Variants in SZT2 observed in about 807,000 individuals in gnomAD.
SZT2 encodes the protein KICSTOR complex protein SZT2.
Under a neutral mutation model 404.2 loss-of-function variants are expected in SZT2, and 216 were observed. That is an observed-to-expected ratio of 0.53 (90% CI 0.48 to 0.60). The LOEUF is 0.60. Among genes scored for constraint, SZT2 ranks in the 20% least tolerant of loss-of-function variants. SZT2 has a pLI of 0.00. For missense variants in SZT2, 3,857 were observed against 4,459.2 expected (o/e 0.86, Z 3.85); for synonymous variants, 1,693 against 1,749.9 (o/e 0.97, Z 0.81).
intron 1 of SZT2, among the ~76,000 whole-genome samples, chr1:43,393,727 T>G (rs1175077083): frequency 6.6e-6 from 1 of 152,166 alleles, no homozygotes; most frequent in Non-Finnish European, 1.5e-5. Context: ...AAGCAACAAA[T>G]TAATGAGATG....
In SZT2 at chr1:43,448,817, C is replaced by T. The variant is rs1387823705; in HGVS notation, c.10086+89C>T. The T allele has an allele frequency of 2.4e-5, 31 of 1,279,412 alleles. No individual in the cohort carries two copies. Among genetic ancestry groups the T allele is most frequent in the Middle Eastern group, 2.5e-4 (1 of 3,972 alleles). 79.3% of individuals were successfully genotyped at this position (1,279,412 alleles called of 1,614,324 possible). On this transcript the variant is annotated intron_variant, in intron 70 of 71. Transcript: ENST00000634258. This position sits in a 1 kb window ranked among gnomAD's most constrained non-coding sequence, Gnocchi z 4.2. ...GCCCCTCAGCCTGACCAAACAAGCT[C>T]TGCTCTGGAGGGAGGCCTAGACAGA...
At chr1:43,396,706 A>G (rs1423160656) in intron 1 of SZT2, among the ~76,000 whole-genome samples, 1 of 152,240 alleles carries the variant, frequency 6.6e-6, no homozygotes, top group Admixed American at 6.5e-5. Flanking sequence ...TAGCTGTCAA[A>G]TCACAACACT....
rs1656329394 is a variant in SZT2 at position 43,450,997 on chromosome 1, C to T, written c.*517C>T. On this transcript the variant is annotated 3_prime_UTR_variant, in exon 72 of 72. Transcript: ENST00000634258. The surrounding 1 kb of genome is among the most constrained non-coding windows in gnomAD (Gnocchi z 4.3). ...GGCCACCGTCAAGTCCCTTTGCTCT[C>T]GGACCCTGGGTTTCTCATCCTTTAA... is the stretch of plus-strand genomic sequence containing the variant. 7 of 766,464 alleles carry T rather than the reference C, an allele frequency of 9.1e-6. No homozygotes were observed. Among genetic ancestry groups the T allele is most frequent in the Admixed American group, 5.1e-5 (3 of 58,986 alleles). 47.5% of individuals were successfully genotyped at this position (766,464 alleles called of 1,614,324 possible). A position where few individuals can be genotyped will look rare whatever the true frequency, so the allele number is the denominator to read the frequency against.
In SZT2 at chr1:43,441,286, A is replaced by T; in HGVS notation, c.7417A>T (p.Thr2473Ser). 1.2e-6 allele frequency: 2 copies of T among 1,614,174 alleles called. No individual in the cohort carries two copies. The highest frequency in any genetic ancestry group is 2.2e-5 in the South Asian group (2 of 91,084). ...DDIVLDRPED[T>S]RGRRRHKTES... ...CATTGTCCTGGATCGGCCAGAAGAC[A>T]CTCGGGGCCGGAGGCGTCACAAAAC... The change falls in exon 53 of 72, where the codon ACT becomes TCT. Residue 2473 changes from threonine (T) to serine (S), a missense_variant. By Grantham distance (58) the Thr-to-Ser change is moderately conservative (BLOSUM62 1). Around this residue, in one of 7 missense-constraint regions of SZT2, gnomAD observed 573 missense variants for 592.4 expected, o/e 0.97. Coordinates refer to ENST00000634258, the MANE Select transcript of SZT2 (RefSeq NM_001365999.1). This position sits in a 1 kb window ranked among gnomAD's most constrained non-coding sequence, Gnocchi z 4.8.
chr1:43,429,854 T>C lies in SZT2; in HGVS notation c.4308+10T>C. 6.2e-7 allele frequency: 1 copy of C among 1,613,974 alleles called. No homozygotes were observed. Among genetic ancestry groups the C allele is most frequent in the Non-Finnish European group, 8.5e-7 (1 of 1,180,002 alleles). ...TCATAGCGTCATCCAGGTGGGAAGC[T>C]TGGGTGAGGGTAGAAGAGGTGTTAG... On this transcript the variant is annotated intron_variant, in intron 29 of 71. Transcript: ENST00000634258.
rs1654805944 is a variant in SZT2, at chr1:43,439,286, C to T, written c.6793-72C>T. The T allele has an allele frequency of 6.4e-7, 1 of 1,567,944 alleles. No individual in the cohort carries two copies. The highest frequency in any genetic ancestry group is 8.8e-7 in the Non-Finnish European group (1 of 1,139,318). Reference sequence around the variant, plus strand: ...ATATCTACCTGCACCACATTCCCCACTGTGGGCACCCATCCCCGAGGGTTT... The same window carrying T: ...ATATCTACCTGCACCACATTCCCCATTGTGGGCACCCATCCCCGAGGGTTT... On this transcript the variant is annotated intron_variant, in intron 48 of 71. Transcript: ENST00000634258. The surrounding 1 kb of genome is among the most constrained non-coding windows in gnomAD (Gnocchi z 4.2).
At position 43,425,405 on chromosome 1, in the gene SZT2, C is replaced by T. The variant is rs1653021903; in HGVS notation, c.2646-69C>T. 4.4e-6 allele frequency: 7 copies of T among 1,595,744 alleles called. No individual in the cohort carries two copies. Among genetic ancestry groups the T allele is most frequent in the Non-Finnish European group, 6.0e-6 (7 of 1,168,848 alleles). On this transcript the variant is annotated intron_variant, in intron 18 of 71. Transcript: ENST00000634258. This position sits in a 1 kb window ranked among gnomAD's most constrained non-coding sequence, Gnocchi z 4.3. ...TCGTGGCTGTCCTCTGTGCCTGCCT[C>T]CTTCCCTCCATGAGGTTCACTCCCT...
rs767848197 is a variant in SZT2, at chr1:43,453,033, G to A, written c.*2553G>A. Reference sequence around the variant, plus strand: ...GAAGACAGTCCAAGCATCACTACCTGTAAGCAGCTTTCTCTGATCCAGACA... The same window carrying A: ...GAAGACAGTCCAAGCATCACTACCTATAAGCAGCTTTCTCTGATCCAGACA... On this transcript the variant is annotated 3_prime_UTR_variant, in exon 72 of 72. Coordinates refer to ENST00000634258, the MANE Select transcript of SZT2 (RefSeq NM_001365999.1). 5.9e-6 allele frequency: 8 copies of A among 1,363,752 alleles called. No homozygotes were observed. The East Asian group carries it at 1.9e-4, about 32-fold the overall frequency. 84.5% of individuals were successfully genotyped at this position (1,363,752 alleles called of 1,614,324 possible).
Position 43,416,570 on chromosome 1 carries a change from C to A in SZT2, c.808C>A (p.Pro270Thr). ...IVITDGVTSV[P>T]DVAVCETLLN... is the part of the protein sequence containing the mutation. The stretch of plus-strand genomic sequence containing the variant: ...GATCACGGATGGGGTGACCAGTGTA[C>A]CTGATGTTGCTGTCTGTGAGACACT... Residue 270 changes from proline to threonine, a missense_variant, in exon 7 of 72, where the codon CCT becomes ACT. By Grantham distance (38) the Pro-to-Thr change is conservative. This residue lies in a region of SZT2 where 536 missense variants were observed against 637.4 expected (regional missense o/e 0.84). Transcript: ENST00000634258. 1 of 1,598,324 alleles carries A rather than the reference C, an allele frequency of 6.3e-7. No individual in the cohort carries two copies. The highest frequency in any genetic ancestry group is 1.1e-5 in the South Asian group (1 of 91,038).
rs1055452800 is a variant in SZT2, at chr1:43,453,811, C to T, written c.*3331C>T. On this transcript the variant is annotated 3_prime_UTR_variant, in exon 72 of 72. Transcript: ENST00000634258. The stretch of plus-strand genomic sequence containing the variant: ...GGCGCCATGCCTGGGGAGGCCGGGC[C>T]GGGCGGAGTCCGCGGGATCCAAAGG... The T allele has an allele frequency of 8.1e-7, 1 of 1,230,822 alleles. No homozygotes were observed. Among genetic ancestry groups the T allele is most frequent in the Non-Finnish European group, 1.0e-6 (1 of 988,744 alleles). 76.2% of individuals were successfully genotyped at this position (1,230,822 alleles called of 1,614,324 possible). A position where few individuals can be genotyped will look rare whatever the true frequency, so the allele number is the denominator to read the frequency against.
At chr1:43,404,048 A>G in intron 3 of SZT2, 1 of 520,716 alleles carries the variant, frequency 1.9e-6, no homozygotes, top group Non-Finnish European at 3.4e-6. Context: ...CCTCTCTATA[A>G]AAAATACAAA....
chr1:43,443,257 T>G lies in SZT2; in HGVS notation c.8489T>G (p.Met2830Arg). 6.2e-7 allele frequency: 1 copy of G among 1,614,200 alleles called. No individual in the cohort carries two copies. The highest frequency in any genetic ancestry group is 8.5e-7 in the Non-Finnish European group (1 of 1,180,010). ...TWQQRSTPATMPISAGELETL... is the reference protein window; with the variant it reads ...TWQQRSTPATRPISAGELETL... The stretch of plus-strand genomic sequence containing the variant: ...CAGCAGCGTTCTACCCCAGCCACCA[T>G]GCCCATCAGTGTGAGTGACCCCAGC... Residue 2830 changes from methionine to arginine, a missense_variant, in exon 60 of 72, where the codon ATG becomes AGG. Coordinates refer to ENST00000634258, the MANE Select transcript of SZT2 (RefSeq NM_001365999.1).
chr1:43,449,008 A>G, intron 70 of SZT2: 1 of 400,210 alleles, frequency 2.5e-6, no homozygotes. Flanking sequence ...AGCTGTCAGA[A>G]CTTTGTCAGT....
Position 43,435,187 on chromosome 1 carries a change from C to T in SZT2, c.5905-13C>T, listed in dbSNP as rs200996082. Reference sequence around the variant, plus strand: ...GGTATTTCAGTTCCCTGACCTCATGCTCCTTCTCCCAGCGACTGCTTCTTC... The same window carrying T: ...GGTATTTCAGTTCCCTGACCTCATGTTCCTTCTCCCAGCGACTGCTTCTTC... On this transcript the variant is annotated splice_polypyrimidine_tract_variant and intron_variant, in intron 41 of 71. Coordinates refer to ENST00000634258, the MANE Select transcript of SZT2 (RefSeq NM_001365999.1). The T allele has an allele frequency of 4.5e-5, 73 of 1,613,826 alleles. 1 individual carries two copies. The Middle Eastern group carries it at 2.0e-3, about 44-fold the overall frequency.
chr1:43,452,808 T>G lies in SZT2; in HGVS notation c.*2328T>G. The G allele has an allele frequency of 7.4e-7, 1 of 1,342,852 alleles. No homozygotes were observed. The highest frequency in any genetic ancestry group is 1.4e-5 in the African/African-American group (1 of 69,242). The allele number at this position is 1,342,852 out of a possible 1,614,324, so 83.2% of individuals were successfully genotyped here. On this transcript the variant is annotated 3_prime_UTR_variant, in exon 72 of 72. Coordinates refer to ENST00000634258, the MANE Select transcript of SZT2 (RefSeq NM_001365999.1). ...ATTTGACATTTGAATCAGCCCCACT[T>G]TGAGCCGTCCACCTCCTCCCATCAT...
At position 43,397,484 on chromosome 1, in the gene SZT2, CAGA is replaced by C. The variant is rs1256820330; in HGVS notation, c.28-5692_28-5690del. ...CATGGCCTCCACCTCGCTGGATCTT[CAGA>C]CTTATACAGGAAACAAACATTAAAG... On this transcript the variant is annotated intron_variant, in intron 1 of 71. Transcript: ENST00000634258. Among the ~76,000 whole-genome samples, 165 of 150,850 alleles carry C rather than the reference CAGA, an allele frequency of 1.1e-3. No individual in the cohort carries two copies. In the East Asian group the frequency reaches 0.021, roughly 20 times the overall value.
At chr1:43,435,801 C>T (rs1290725158) in intron 42 of SZT2, 1 of 154,068 alleles carries the variant, frequency 6.5e-6, no homozygotes, top group Non-Finnish European at 1.4e-5. Flanking sequence ...TGAAGGGGCA[C>T]CAGGCCATGA....
chr1:43,404,246 C>A, intron 3 of SZT2, 134 bp from the exon 4 acceptor site: 1 of 739,028 alleles, frequency 1.4e-6, no homozygotes, highest in Non-Finnish European at 2.2e-6. Flanking sequence ...GAAACTGTTC[C>A]ATGTGTGGCA....
intron 1 of SZT2, among the ~76,000 whole-genome samples, chr1:43,402,558 G>A (rs1405159989): frequency 3.9e-5 from 6 of 152,218 alleles, no homozygotes; most frequent in Admixed American, 3.3e-4. Context: ...ATGTGTAGTG[G>A]AAGGACAAGG....
Sources: allele counts gnomAD v4.1 joint callset (sites outside exome capture counted in the v4.1 genomes callset), GRCh38; gene constraint gnomAD v4.1.1; regional missense constraint gnomAD v4.1.1; non-coding constraint Gnocchi (gnomAD v3.1); transcripts MANE v1.5; gene names NCBI Gene and HGNC (gene_info 2026-07-23, HGNC 2026-07-21).